The following NFAT5 variants were observed in gnomAD, a reference collection of about 807,000 sequenced individuals.
The protein encoded by NFAT5 is nuclear factor of activated T-cells 5.
Under a neutral mutation model 166.5 loss-of-function variants are expected in NFAT5, and 31 were observed. That is an observed-to-expected ratio of 0.19 (90% confidence interval 0.14 to 0.25). The LOEUF (loss-of-function observed/expected upper bound fraction) is 0.25. Ranked by LOEUF, NFAT5 falls within the 10% of genes least tolerant of loss-of-function variation. The pLI is 1.00. For synonymous variants in NFAT5, 612 were observed against 639.7 expected (o/e 0.96, Z 0.65); for missense variants, 1,449 against 1,821.8 (o/e 0.80, Z 3.72).
chr16:69,587,779 A>G (rs576797773), intron 2 of NFAT5, among the ~76,000 whole-genome samples: 22 of 152,232 alleles, frequency 1.4e-4, no homozygotes, highest in African/African-American at 4.6e-4. Flanking sequence ...AATTTATTTG[A>G]GAATAAATGA....
intron 4 of NFAT5, chr16:69,649,539 C>G (rs976058050): frequency 2.0e-6 from 2 of 983,788 alleles, no homozygotes; most frequent in African/African-American, 3.5e-5. Context: ...GAAATTCCAT[C>G]AAGCAGAAGA....
chr16:69,578,095 A>C (rs943513567), intron 2 of NFAT5, among the ~76,000 whole-genome samples: 16 of 152,128 alleles, frequency 1.1e-4, no homozygotes, highest in African/African-American at 3.9e-4. Context: ...TGTAGCACTT[A>C]CATTGTATTA....
intron 5 of NFAT5, among the ~76,000 whole-genome samples, chr16:69,654,307 T>C (rs2151634555): frequency 6.6e-6 from 1 of 152,250 alleles, no homozygotes; most frequent in South Asian, 2.1e-4. Context: ...AAGTTAGGAG[T>C]AGAGGTGGAC....
At chr16:69,575,094 T>G (rs1277932324) in intron 2 of NFAT5, among the ~76,000 whole-genome samples, 4 of 152,184 alleles carry the variant, frequency 2.6e-5, no homozygotes, top group African/African-American at 9.7e-5. Context: ...TTTACTGAAT[T>G]TGGTATTTAG....
At chr16:69,578,795 T>A (rs1049889215) in intron 2 of NFAT5, among the ~76,000 whole-genome samples, 3 of 152,136 alleles carry the variant, frequency 2.0e-5, no homozygotes. Flanking sequence ...TTTTCCCAAA[T>A]GTCAATATTC....
At position 69,677,694 on chromosome 16, in the gene NFAT5, T is replaced by G. The variant is rs191923525; in HGVS notation, c.1690+359T>G. On this transcript the variant is annotated intron_variant, in intron 10 of 14. Transcript: ENST00000349945. ...TTTGGGAAATTGCTAATAGTTTAGTTTGGCTGGTTTATAGGGTACATTTTG... is the reference window on the plus strand; with the variant it reads ...TTTGGGAAATTGCTAATAGTTTAGTGTGGCTGGTTTATAGGGTACATTTTG... Among the ~76,000 whole-genome samples the G allele has an allele frequency of 4.6e-5, 7 of 152,262 alleles. No individual in the cohort carries two copies. In the East Asian group the frequency reaches 1.4e-3, roughly 29 times the overall value.
chr16:69,649,749 A>C (rs1297709301), intron 4 of NFAT5, among the ~76,000 whole-genome samples: 4 of 152,006 alleles, frequency 2.6e-5, no homozygotes, highest in African/African-American at 9.6e-5. Context: ...CAGTGAAAAA[A>C]ATCTTAAAAT....
chr16:69,683,216 G>GA (rs1352895734), intron 10 of NFAT5, among the ~76,000 whole-genome samples: 2 of 151,256 alleles, frequency 1.3e-5, no homozygotes, highest in Non-Finnish European at 2.9e-5. Flanking sequence ...CGTCTCAAAA[G>GA]AAAAAAAGAA....
intron 4 of NFAT5, among the ~76,000 whole-genome samples, chr16:69,652,046 C>A (rs577672378): frequency 6.6e-6 from 1 of 152,284 alleles, no homozygotes; most frequent in South Asian, 2.1e-4. Context: ...AACTATTTTA[C>A]AGATTAAATG....
chr16:69,671,052 TC>T (rs1406928986), intron 9 of NFAT5, among the ~76,000 whole-genome samples: 7 of 152,236 alleles, frequency 4.6e-5, no homozygotes, highest in Non-Finnish European at 8.8e-5. Flanking sequence ...AGCCACTTTA[TC>T]CAAAAAGTTT....
chr16:69,644,119 T>C (rs1296116738), intron 3 of NFAT5, among the ~76,000 whole-genome samples: 1 of 152,032 alleles, frequency 6.6e-6, no homozygotes, highest in Non-Finnish European at 1.5e-5. Flanking sequence ...ACTTTGCCTC[T>C]ACAAATAATT....
intron 3 of NFAT5, among the ~76,000 whole-genome samples, chr16:69,643,271 T>C (rs2035295226): frequency 6.6e-6 from 1 of 151,890 alleles, no homozygotes; most frequent in Admixed American, 6.6e-5. Flanking sequence ...ATTCACACTT[T>C]GGTTCTATAG....
At chr16:69,664,984 G>A (rs568659994) in intron 7 of NFAT5, among the ~76,000 whole-genome samples, 5 of 152,208 alleles carry the variant, frequency 3.3e-5, no homozygotes, top group African/African-American at 7.2e-5. Flanking sequence ...CCAAGACTGC[G>A]CCACTGCACT....
rs925215022 is a variant in NFAT5, at chr16:69,566,765, C to G, written c.73+391C>G. ...TGGGGCCACCGCGATCGGGGCGCCG[C>G]GTCTTCTCTTACCGGGACCCTCCTC... On this transcript the variant is annotated intron_variant, in intron 1 of 14. Coordinates refer to ENST00000349945, the MANE Select transcript of NFAT5 (RefSeq NM_138713.4). The surrounding 1 kb of genome is among the most constrained non-coding windows in gnomAD (Gnocchi z 5.7). Among the ~76,000 whole-genome samples, 21 of 152,166 alleles carry G rather than the reference C, an allele frequency of 1.4e-4. No homozygotes were observed. The highest frequency in any genetic ancestry group is 4.8e-4 in the African/African-American group (20 of 41,448).
At chr16:69,568,432 T>G in intron 1 of NFAT5, 63 bp from the exon 2 acceptor site, 1 of 1,286,492 alleles carries the variant, frequency 7.8e-7, no homozygotes, top group Non-Finnish European at 1.1e-6. Context: ...AGATGTATGC[T>G]ATCCTTGGCA....
intron 2 of NFAT5, among the ~76,000 whole-genome samples, chr16:69,587,019 A>C (rs774978645): frequency 6.6e-5 from 10 of 152,330 alleles, no homozygotes; most frequent in Admixed American, 1.3e-4. Flanking sequence ...GTATTCATCA[A>C]AAGGCCTGGT....
Position 69,566,329 on chromosome 16 carries a change from A to C in NFAT5, c.28A>C (p.Ser10Arg). The change falls in exon 1 of 15, where the codon AGC becomes CGC. Residue 10 changes from serine to arginine, a missense_variant. Ser to Arg is a moderately radical substitution (Grantham distance 110). Coordinates refer to ENST00000349945, the MANE Select transcript of NFAT5 (RefSeq NM_138713.4). This position sits in a 1 kb window ranked among gnomAD's most constrained non-coding sequence, Gnocchi z 5.7. MPSDFISLL[S>R]ADLDLESPKS... ...GCCCTCGGACTTCATCTCATTGCTC[A>C]GCGCGGACCTAGACCTGGAATCGCC... 2 of 1,607,662 alleles carry C rather than the reference A, an allele frequency of 1.2e-6. No individual in the cohort carries two copies. Among genetic ancestry groups the C allele is most frequent in the Non-Finnish European group, 1.7e-6 (2 of 1,177,944 alleles).
At chr16:69,681,335 A>C (rs980998714) in intron 10 of NFAT5, among the ~76,000 whole-genome samples, 1 of 152,238 alleles carries the variant, frequency 6.6e-6, no homozygotes, top group Non-Finnish European at 1.5e-5. Flanking sequence ...TGAAATACTT[A>C]AAAGTTATAA....
At chr16:69,615,423 G>T (rs1316930175) in intron 2 of NFAT5, among the ~76,000 whole-genome samples, 1 of 152,030 alleles carries the variant, frequency 6.6e-6, no homozygotes, top group Non-Finnish European at 1.5e-5. Context: ...GACATTCCAG[G>T]TTCATCTTGT....
Sources: gnomAD v4.1 joint callset for allele counts (sites outside exome capture counted in the v4.1 genomes callset) on GRCh38, gnomAD v4.1.1 for gene constraint, Gnocchi (gnomAD v3.1) non-coding constraint, MANE v1.5 for transcripts, NCBI Gene and HGNC (gene_info 2026-07-23, HGNC 2026-07-21) for gene names.